The following ARHGEF10 variants were observed in gnomAD, a reference collection of about 807,000 sequenced individuals.
The protein encoded by ARHGEF10 is Rho guanine nucleotide exchange factor 10, also known as Rho guanine nucleotide exchange factor (GEF) 10.
ARHGEF10 carries 140 observed loss-of-function variants against 147.4 expected under a neutral mutation model. That is an observed-to-expected ratio of 0.95 (90% CI 0.83 to 1.09). The LOEUF is 1.09. Among genes scored for constraint, ARHGEF10 ranks in the 50% least tolerant of loss-of-function variants. The pLI, the probability that ARHGEF10 is intolerant of heterozygous loss-of-function variation, is 0.00. For synonymous variants in ARHGEF10, 902 were observed against 695.8 expected (o/e 1.30, Z -4.67); for missense variants, 2,222 against 1,752.7 (o/e 1.27, Z -4.78).
chr8:1,903,115 C>A (rs138429880), intron 15 of ARHGEF10, among the ~76,000 whole-genome samples, 166 bp from the exon 16 acceptor site: 3,766 of 152,316 alleles, frequency 0.025, 61 homozygotes, highest in Non-Finnish European at 0.038. Flanking sequence ...TCAGCCAAGT[C>A]GTGACTCACT....
chr8:1,942,362 A>G (rs1202116882), intron 26 of ARHGEF10, among the ~76,000 whole-genome samples: 1 of 151,724 alleles, frequency 6.6e-6, no homozygotes, highest in African/African-American at 2.4e-5. Context: ...GAAGATGGTC[A>G]GCATTGTTGC....
At chr8:1,918,673 C>G (rs1298998257) in intron 18 of ARHGEF10, among the ~76,000 whole-genome samples, 2 of 152,196 alleles carry the variant, frequency 1.3e-5, no homozygotes, top group Admixed American at 6.5e-5. Flanking sequence ...ACCTTAAAGT[C>G]TACTCTTAGT....
chr8:1,903,143 C>G, intron 15 of ARHGEF10, 138 bp from the exon 16 acceptor site: 1 of 1,136,784 alleles, frequency 8.8e-7, no homozygotes, highest in Admixed American at 1.7e-5. Context: ...TCATCCCTTC[C>G]CAAGAACTGA....
intron 10 of ARHGEF10, 48 bp downstream of exon 10, chr8:1,882,797 G>C (rs952364196): frequency 7.8e-6 from 10 of 1,274,522 alleles, no homozygotes; most frequent in Admixed American, 2.0e-5. Flanking sequence ...GGTTGGGGGG[G>C]GCGGCCACAT....
chr8:1,939,194 G>A (rs1050694254), intron 26 of ARHGEF10, among the ~76,000 whole-genome samples: 27 of 152,218 alleles, frequency 1.8e-4, no homozygotes, highest in African/African-American at 6.5e-4. Flanking sequence ...CAAGGCAAAC[G>A]GAGACTTAGA....
intron 26 of ARHGEF10, among the ~76,000 whole-genome samples, chr8:1,944,140 C>T (rs1166484489): frequency 7.3e-5 from 6 of 81,698 alleles, no homozygotes; most frequent in African/African-American, 2.2e-4. Flanking sequence ...CCCAGCCTCC[C>T]GCATCGTGTC....
intron 8 of ARHGEF10, among the ~76,000 whole-genome samples, chr8:1,878,518 G>A (rs1268800824): frequency 2.0e-5 from 3 of 152,202 alleles, no homozygotes; most frequent in Non-Finnish European, 4.4e-5. Context: ...GATAACTGAG[G>A]TGATATTTCG....
chr8:1,904,955 T>C (rs1220912024), intron 16 of ARHGEF10, among the ~76,000 whole-genome samples: 2 of 152,136 alleles, frequency 1.3e-5, no homozygotes, highest in East Asian at 1.9e-4. Context: ...ACCCCGTCTC[T>C]ACTAAAAATA....
At position 1,894,452 on chromosome 8, in the gene ARHGEF10, G is replaced by C; in HGVS notation, c.1320G>C (p.Lys440Asn). Residue 440 changes from lysine (K) to asparagine (N), a missense_variant, in exon 13 of 29, where the codon AAG becomes AAC. Transcript: ENST00000349830. ...EPKVLSERKL[K>N]TVFYRVKEIL... The stretch of plus-strand genomic sequence containing the variant: ...AGGTTCTGAGTGAGAGGAAGCTGAA[G>C]ACGGTGTTCTACCGAGTCAAAGAGA... 6.2e-7 allele frequency: 1 copy of C among 1,614,242 alleles called. No individual in the cohort carries two copies.
intron 11 of ARHGEF10, among the ~76,000 whole-genome samples, chr8:1,889,149 T>C (rs1277669384): frequency 1.1e-5 from 1 of 90,506 alleles, no homozygotes; most frequent in Non-Finnish European, 2.2e-5. Flanking sequence ...GGGTGAGGGT[T>C]GTGAGGAGAC....
intron 2 of ARHGEF10, among the ~76,000 whole-genome samples, chr8:1,851,384 C>G (rs942187197): frequency 6.6e-6 from 1 of 151,916 alleles, no homozygotes; most frequent in Non-Finnish European, 1.5e-5. Context: ...GTTGGCTCCT[C>G]ACACAGAAGG....
chr8:1,862,966 G>A (rs1806272636), intron 4 of ARHGEF10, among the ~76,000 whole-genome samples: 2 of 151,262 alleles, frequency 1.3e-5, no homozygotes, highest in Non-Finnish European at 2.9e-5. Flanking sequence ...TTTTTTTTTA[G>A]TAGAGACAGG....
At chr8:1,873,657 G>A (rs1187296674) in intron 7 of ARHGEF10, among the ~76,000 whole-genome samples, 2 of 140,416 alleles carry the variant, frequency 1.4e-5, no homozygotes, top group South Asian at 2.3e-4. Flanking sequence ...GAGAGGTGCC[G>A]CGGGGTAGTG....
intron 26 of ARHGEF10, among the ~76,000 whole-genome samples, chr8:1,938,478 T>C (rs1463447236): frequency 1.3e-5 from 2 of 152,238 alleles, no homozygotes; most frequent in Non-Finnish European, 2.9e-5. Context: ...GAAAAAGGTT[T>C]CTGGCCCTCA....
At chr8:1,844,465 T>TCACCGGGGCCTGGTAGATGACAGAGACGG (rs1329433075) in intron 2 of ARHGEF10, among the ~76,000 whole-genome samples, 5 of 151,356 alleles carry the variant, frequency 3.3e-5, no homozygotes, top group East Asian at 1.9e-4. Flanking sequence ...AATCCAGGGG[T>TCACCGGGGCCTGGTAGATGACAGAGACGG]GAGCAGTGGC....
chr8:1,826,223 A>G, intron 1 of ARHGEF10: 2 of 1,208,008 alleles, frequency 1.7e-6, no homozygotes, highest in Non-Finnish European at 2.4e-6. Flanking sequence ...GTTATTCAGA[A>G]TAGCTTTTTA....
At chr8:1,929,565 T>A (rs1343162040) in intron 25 of ARHGEF10, 122 bp downstream of exon 25, 14 of 1,198,224 alleles carry the variant, frequency 1.2e-5, no homozygotes, top group Non-Finnish European at 1.5e-5. Flanking sequence ...CCTCCGCCCC[T>A]GCGCTCGTCA....
chr8:1,907,912 C>G (rs1407857812), intron 17 of ARHGEF10, among the ~76,000 whole-genome samples: 1 of 152,192 alleles, frequency 6.6e-6, no homozygotes, highest in African/African-American at 2.4e-5. Flanking sequence ...GATTCTAAAC[C>G]TCCTCTGTAG....
At chr8:1,874,540 C>T (rs979254128) in intron 7 of ARHGEF10, among the ~76,000 whole-genome samples, 17 of 152,174 alleles carry the variant, frequency 1.1e-4, no homozygotes, top group Admixed American at 7.9e-4. Flanking sequence ...GAGATGGATG[C>T]GAGGAAATAG....
Sources: allele counts gnomAD v4.1 joint callset (sites outside exome capture counted in the v4.1 genomes callset), GRCh38; gene constraint gnomAD v4.1.1; transcripts MANE v1.5; gene names NCBI Gene and HGNC (gene_info 2026-07-23, HGNC 2026-07-21).